Variants in SESN1 observed in about 807,000 individuals in gnomAD.
SESN1 encodes sestrin-1.
Under a neutral mutation model 59.3 loss-of-function variants are expected in SESN1, and 30 were observed. The ratio of observed to expected loss-of-function variants is 0.51; its 90% CI spans 0.38 to 0.69. The LOEUF (loss-of-function observed/expected upper bound fraction) is 0.69, where lower values mean the gene tolerates loss of function less well. Ranked by LOEUF, SESN1 falls within the 30% of genes least tolerant of loss-of-function variation. The pLI, the probability that SESN1 is intolerant of heterozygous loss-of-function variation, is 0.00. For missense variants in SESN1, 566 were observed against 673.0 expected (o/e 0.84, Z 1.76); for synonymous variants, 197 against 219.9 (o/e 0.90, Z 0.92).
intron 1 of SESN1, among the ~76,000 whole-genome samples, chr6:109,003,783 C>T (rs1779674469): frequency 6.6e-6 from 1 of 152,108 alleles, no homozygotes; most frequent in Admixed American, 6.5e-5. Context: ...CCAATAGCAG[C>T]CATTTATATA....
rs114045758 is a variant in SESN1 at position 109,089,275 on chromosome 6, T to C, written c.279+4520A>G. 5.9e-3 allele frequency among the ~76,000 whole-genome samples: 894 copies of C among 152,330 alleles called. 9 individuals carry two copies. Among genetic ancestry groups the C allele is most frequent in the African/African-American group, 0.019 (798 of 41,570 alleles). Reference sequence around the variant, plus strand: ...TGGAGTGCTACATTTGAATTAATATTTGCTTTCTCATGTGAGGCTGATGCT... The same window carrying C: ...TGGAGTGCTACATTTGAATTAATATCTGCTTTCTCATGTGAGGCTGATGCT... On this transcript the variant is annotated intron_variant, in intron 1 of 9. Coordinates refer to ENST00000436639, the MANE Select transcript of SESN1 (RefSeq NM_014454.3).
At chr6:109,058,243 C>A (rs1780669592) in intron 1 of SESN1, among the ~76,000 whole-genome samples, 1 of 152,120 alleles carries the variant, frequency 6.6e-6, no homozygotes, top group Non-Finnish European at 1.5e-5. Context: ...CACCACCACA[C>A]AGGACTAATT....
chr6:109,014,859 A>C (rs1323470428), intron 1 of SESN1, among the ~76,000 whole-genome samples: 2 of 152,206 alleles, frequency 1.3e-5, no homozygotes, highest in Non-Finnish European at 1.5e-5. Flanking sequence ...TTTTAGGAAG[A>C]AAGCTGGCTT....
chr6:109,062,604 G>A lies in SESN1; in HGVS notation c.279+31191C>T, dbSNP rs542782517. Among the ~76,000 whole-genome samples, 131 of 152,274 alleles carry A rather than the reference G, an allele frequency of 8.6e-4. 1 individual carries two copies. Among genetic ancestry groups the A allele is most frequent in the African/African-American group, 2.7e-3 (111 of 41,560 alleles). ...ATAAAAATTTTAAGATGGTGTGTGC[G>A]TGTGAAAGAGAGAGACACAGAAATA... On this transcript the variant is annotated intron_variant, in intron 1 of 9. Coordinates refer to ENST00000436639, the MANE Select transcript of SESN1 (RefSeq NM_014454.3).
intron 1 of SESN1, among the ~76,000 whole-genome samples, chr6:109,048,587 A>G (rs1331645195): frequency 6.6e-6 from 1 of 152,020 alleles, no homozygotes; most frequent in African/African-American, 2.4e-5. Context: ...AGAGGAGTGA[A>G]CTCCTTCCAC....
At chr6:108,990,555 G>A in intron 8 of SESN1, 90 bp downstream of exon 8, 1 of 1,136,096 alleles carries the variant, frequency 8.8e-7, no homozygotes, top group Non-Finnish European at 1.3e-6. Flanking sequence ...TTTTGATTAT[G>A]TGTGTGTCTA....
Position 108,996,487 on chromosome 6 carries a change from A to G in SESN1, c.973-1878T>C, listed in dbSNP as rs568018207. 2.6e-5 allele frequency among the ~76,000 whole-genome samples: 4 copies of G among 152,266 alleles called. No homozygotes were observed. The East Asian group carries it at 7.7e-4, about 29-fold the overall frequency. On this transcript the variant is annotated intron_variant, in intron 5 of 9. Transcript: ENST00000436639. The stretch of plus-strand genomic sequence containing the variant: ...TGTCAACTCACATTATCTGTCACTA[A>G]TTTATTTTGTTTACCTATTCTCCTC...
chr6:109,001,588 T>C, intron 2 of SESN1, 100 bp from the exon 3 acceptor site: 4 of 1,064,710 alleles, frequency 3.8e-6, no homozygotes, highest in South Asian at 1.5e-5. Flanking sequence ...TAGAAGCAGA[T>C]TAAATCTGGC....
intron 1 of SESN1, among the ~76,000 whole-genome samples, chr6:109,044,790 G>T (rs567753187): frequency 6.6e-6 from 1 of 152,100 alleles, no homozygotes; most frequent in South Asian, 2.1e-4. Context: ...TTGGGAGGTC[G>T]AGGAGGGCAG....
At position 108,994,585 on chromosome 6, in the gene SESN1, C is replaced by T; in HGVS notation, c.997G>A (p.Glu333Lys). The stretch of plus-strand genomic sequence containing the variant: ...TGCCTCATCTTTTCCATGAGGGCTT[C>T]AACCTCAAAGAAAGAATCACTTACC... ...VSVSDSFFEV[E>K]ALMEKMRQLQ... Residue 333 changes from glutamate (E) to lysine (K), a missense_variant, in exon 6 of 10, where the codon GAA (glutamate) becomes AAA (lysine). Coordinates refer to ENST00000436639, the MANE Select transcript of SESN1 (RefSeq NM_014454.3). 6.2e-7 allele frequency: 1 copy of T among 1,609,452 alleles called. No individual in the cohort carries two copies. The highest frequency in any genetic ancestry group is 1.7e-4 in the Middle Eastern group (1 of 6,028).
At chr6:108,997,874 A>G (rs1779532882) in intron 5 of SESN1, among the ~76,000 whole-genome samples, 1 of 152,190 alleles carries the variant, frequency 6.6e-6, no homozygotes, top group African/African-American at 2.4e-5. Context: ...CAGGAATTAA[A>G]ATTTGCTTAT....
intron 5 of SESN1, among the ~76,000 whole-genome samples, chr6:108,998,104 C>T (rs76725103): frequency 0.018 from 2,710 of 152,178 alleles, 81 homozygotes; most frequent in African/African-American, 0.063. Context: ...ATTAAGAAGC[C>T]AGACTGTTTA....
At chr6:109,068,333 G>T (rs533431860) in intron 1 of SESN1, among the ~76,000 whole-genome samples, 1 of 152,216 alleles carries the variant, frequency 6.6e-6, no homozygotes, top group South Asian at 2.1e-4. Flanking sequence ...CATAATATAA[G>T]AACTGGCTGC....
intron 1 of SESN1, among the ~76,000 whole-genome samples, chr6:109,057,180 T>C (rs1780645650): frequency 6.6e-6 from 1 of 152,184 alleles, no homozygotes; most frequent in Non-Finnish European, 1.5e-5. Flanking sequence ...AGCCAGAACC[T>C]CCCAGCTAAG....
chr6:109,042,530 C>CA (rs774479575), intron 1 of SESN1, among the ~76,000 whole-genome samples: 16,175 of 123,038 alleles, frequency 0.13, 966 homozygotes, highest in Middle Eastern at 0.24. Flanking sequence ...AGGATTATTG[C>CA]GAAAAAAAAA....
chr6:109,064,127 T>C (rs1780776438), intron 1 of SESN1, among the ~76,000 whole-genome samples: 1 of 152,152 alleles, frequency 6.6e-6, no homozygotes, highest in Non-Finnish European at 1.5e-5. Context: ...AAACTAGTAT[T>C]TAGCCTTGTC....
chr6:109,009,541 G>A, intron 1 of SESN1: 3 of 1,117,352 alleles, frequency 2.7e-6, no homozygotes, highest in Non-Finnish European at 3.2e-6. Context: ...CAGCGCCTCA[G>A]TCAGCACGGA....
chr6:109,002,485 C>T lies in SESN1; in HGVS notation c.280-142G>A, dbSNP rs965548097. 13 of 625,272 alleles carry T rather than the reference C, an allele frequency of 2.1e-5. No individual in the cohort carries two copies. In the African/African-American group the frequency reaches 2.4e-4, roughly 11 times the overall value. 38.7% of individuals were successfully genotyped at this position (625,272 alleles called of 1,614,324 possible). A position where few individuals can be genotyped will look rare whatever the true frequency, so the allele number is the denominator to read the frequency against. On this transcript the variant is annotated intron_variant, in intron 1 of 9. Transcript: ENST00000436639. ...TGTTTTCATGGCTGTATATACATACCAACTCTTCTGTTAGCATTACATAGC... is the reference window on the plus strand; with the variant it reads ...TGTTTTCATGGCTGTATATACATACTAACTCTTCTGTTAGCATTACATAGC...
intron 6 of SESN1, 101 bp from the exon 7 acceptor site, chr6:108,993,000 G>A (rs1350806742): frequency 9.9e-6 from 7 of 704,294 alleles, no homozygotes; most frequent in African/African-American, 9.0e-5. Flanking sequence ...CTCTGATACT[G>A]AGTGACCAAT....
Sources: gnomAD v4.1 joint callset for allele counts (sites outside exome capture counted in the v4.1 genomes callset) on GRCh38, gnomAD v4.1.1 for gene constraint, MANE v1.5 for transcripts, NCBI Gene and HGNC (gene_info 2026-07-23, HGNC 2026-07-21) for gene names.